The following NOS1 variants were observed in gnomAD, a reference collection of about 807,000 sequenced individuals.
NOS1 encodes NOS type I.
In NOS1, 51 loss-of-function variants were observed where a neutral mutation model predicts 164.5. The observed-to-expected ratio is 0.31, with a 90% CI of 0.25 to 0.39. The LOEUF (loss-of-function observed/expected upper bound fraction) is 0.39, where lower values mean the gene tolerates loss of function less well. Among genes scored for constraint, NOS1 ranks in the 10% least tolerant of loss-of-function variants. The pLI is 1.00. For synonymous variants in NOS1, 719 were observed against 745.8 expected (o/e 0.96, Z 0.59); for missense variants, 1,362 against 1,885.6 (o/e 0.72, Z 5.14).
intron 22 of NOS1, among the ~76,000 whole-genome samples, chr12:117,229,061 A>T (rs1371540190): frequency 2.6e-5 from 4 of 152,212 alleles, no homozygotes; most frequent in Non-Finnish European, 4.4e-5. Flanking sequence ...GATTATAGGC[A>T]TGAGCCACTG....
intron 3 of NOS1, among the ~76,000 whole-genome samples, chr12:117,309,626 T>C (rs964844265): frequency 2.0e-5 from 3 of 152,216 alleles, no homozygotes; most frequent in Admixed American, 1.3e-4. Context: ...TGCCCTGGCC[T>C]GGCCCATCAG....
intron 20 of NOS1, among the ~76,000 whole-genome samples, chr12:117,240,999 G>A (rs1056742197): frequency 3.3e-5 from 5 of 150,952 alleles, no homozygotes; most frequent in Non-Finnish European, 7.4e-5. Flanking sequence ...GAGTACAGTG[G>A]TGCAACCTTG....
intron 1 of NOS1, among the ~76,000 whole-genome samples, chr12:117,337,406 G>T (rs945059888): frequency 6.6e-6 from 1 of 152,058 alleles, no homozygotes; most frequent in African/African-American, 2.4e-5. Context: ...TTGAGCCACC[G>T]TGCCCGGCCG....
In NOS1 at chr12:117,272,563, C is replaced by T; in HGVS notation, c.1665-4G>A. ...CAGGTCCTTGAACCACTCAAACCTG[C>T]AGGGAGCAACAGGGCCCAGCTCACC... On this transcript the variant is annotated splice_region_variant and splice_polypyrimidine_tract_variant and intron_variant, in intron 9 of 28. Coordinates refer to ENST00000317775, the MANE Select transcript of NOS1 (RefSeq NM_000620.5). This position sits in a 1 kb window ranked among gnomAD's most constrained non-coding sequence, Gnocchi z 4.3. The T allele has an allele frequency of 6.2e-7, 1 of 1,611,516 alleles. No homozygotes were observed. The highest frequency in any genetic ancestry group is 8.5e-7 in the Non-Finnish European group (1 of 1,178,786).
intron 1 of NOS1, among the ~76,000 whole-genome samples, chr12:117,350,396 A>T (rs1876561648): frequency 6.6e-6 from 1 of 152,036 alleles, no homozygotes; most frequent in Admixed American, 6.6e-5. Context: ...AATGAGTCAC[A>T]CCTCCTCAAT....
At chr12:117,276,645 G>A (rs117999565) in intron 9 of NOS1, among the ~76,000 whole-genome samples, 1 of 149,106 alleles carries the variant, frequency 6.7e-6, no homozygotes, top group Non-Finnish European at 1.5e-5. Context: ...CCCCTTCCCA[G>A]CCTCTGGTAA....
At position 117,331,293 on chromosome 12, in the gene NOS1, T is replaced by C. The variant is rs1875535384; in HGVS notation, c.-224A>G. The C allele has an allele frequency of 1.8e-6, 1 of 566,362 alleles. No individual in the cohort carries two copies. Among genetic ancestry groups the C allele is most frequent in the Non-Finnish European group, 3.1e-6 (1 of 320,138 alleles). 35.1% of individuals were successfully genotyped at this position (566,362 alleles called of 1,614,324 possible). On this transcript the variant is annotated 5_prime_UTR_variant, in exon 2 of 29. Coordinates refer to ENST00000317775, the MANE Select transcript of NOS1 (RefSeq NM_000620.5). ...TGATTTCCTGCATCCGCCTCTCTCC[T>C]TATTCTCTAAGGAAGTGATGGTTGA...
intron 13 of NOS1, among the ~76,000 whole-genome samples, chr12:117,260,818 T>C (rs1871840878): frequency 1.0e-5 from 1 of 100,176 alleles, no homozygotes. Flanking sequence ...AATCCTTTAT[T>C]TTATTTTATT....
At chr12:117,309,683 C>T (rs1202425005) in intron 3 of NOS1, among the ~76,000 whole-genome samples, 2 of 152,192 alleles carry the variant, frequency 1.3e-5, no homozygotes, top group Non-Finnish European at 2.9e-5. Context: ...CCAGCCAAAC[C>T]TAGCCACTCT....
chr12:117,221,802 C>G (rs144790808), intron 26 of NOS1, among the ~76,000 whole-genome samples: 1 of 147,684 alleles, frequency 6.8e-6, no homozygotes, highest in Non-Finnish European at 1.5e-5. Context: ...TACGCCACCA[C>G]GCCCAGCTAA....
intron 16 of NOS1, among the ~76,000 whole-genome samples, chr12:117,256,284 G>GTTTT (rs57047376): frequency 2.5e-5 from 3 of 118,484 alleles, no homozygotes; most frequent in Admixed American, 1.0e-4. Flanking sequence ...GGGATTTTCT[G>GTTTT]TTTTTTTTTT....
intron 9 of NOS1, among the ~76,000 whole-genome samples, chr12:117,273,243 G>A (rs1231520345): frequency 6.6e-6 from 1 of 152,180 alleles, no homozygotes; most frequent in African/African-American, 2.4e-5. Context: ...AAGCACCGTG[G>A]GGGCAGGGAT....
intron 1 of NOS1, among the ~76,000 whole-genome samples, chr12:117,337,256 C>T (rs1055597724): frequency 2.6e-5 from 4 of 151,958 alleles, no homozygotes; most frequent in Admixed American, 6.6e-5. Context: ...GCTGGGACTA[C>T]AGACATGTGC....
intron 7 of NOS1, 68 bp downstream of exon 7, chr12:117,285,173 A>T: frequency 9.9e-7 from 1 of 1,013,860 alleles, no homozygotes; most frequent in Non-Finnish European, 1.5e-6. Context: ...AGCTGACTCC[A>T]GAGTCAAAGT....
At position 117,212,751 on chromosome 12, in the gene NOS1, G is replaced by C. The variant is rs190966281; in HGVS notation, c.*2558C>G. 6.7e-4 allele frequency: 661 copies of C among 985,406 alleles called. 5 individuals carry two copies. In the African/African-American group the frequency reaches 0.011, roughly 16 times the overall value. The allele number at this position is 985,406 out of a possible 1,614,324, so 61.0% of individuals were successfully genotyped here. A position where few individuals can be genotyped will look rare whatever the true frequency, so the allele number is the denominator to read the frequency against. The stretch of plus-strand genomic sequence containing the variant: ...CTTAAACGGTTGGCTACGAGGCCTG[G>C]ATGAAAAGCCACCACGAGAGGGCAG... On this transcript the variant is annotated 3_prime_UTR_variant, in exon 29 of 29. Transcript: ENST00000317775.
At chr12:117,247,172 T>C (rs973856360) in intron 18 of NOS1, among the ~76,000 whole-genome samples, 176 bp downstream of exon 18, 1 of 152,132 alleles carries the variant, frequency 6.6e-6, no homozygotes, top group Non-Finnish European at 1.5e-5. Flanking sequence ...GTAGAAAATA[T>C]GTGTTTTCAG....
chr12:117,280,101 A>G (rs1258924091), intron 8 of NOS1, among the ~76,000 whole-genome samples: 1 of 152,190 alleles, frequency 6.6e-6, no homozygotes, highest in East Asian at 1.9e-4. Context: ...ATAAGCTACC[A>G]TATCTTACCT....
intron 3 of NOS1, among the ~76,000 whole-genome samples, chr12:117,308,699 C>T (rs1412410686): frequency 2.0e-5 from 3 of 151,594 alleles, no homozygotes; most frequent in Admixed American, 6.6e-5. Flanking sequence ...TGGGTTCAAG[C>T]GATTCTCCTG....
Position 117,208,645 on chromosome 12 carries a change from C to T in NOS1, c.*6664G>A. On this transcript the variant is annotated 3_prime_UTR_variant, in exon 29 of 29. Transcript: ENST00000317775. Reference sequence around the variant, plus strand: ...GACCCAGCTCAAGAGCACTGGATCTCAGTGAGTCTTAATCAGAACCAACAC... The same window carrying T: ...GACCCAGCTCAAGAGCACTGGATCTTAGTGAGTCTTAATCAGAACCAACAC... 1.7e-6 allele frequency: 2 copies of T among 1,155,050 alleles called. No individual in the cohort carries two copies. The highest frequency in any genetic ancestry group is 2.2e-6 in the Non-Finnish European group (2 of 923,632). The allele number at this position is 1,155,050 out of a possible 1,614,324, so 71.6% of individuals were successfully genotyped here.
Sources: allele counts gnomAD v4.1 joint callset (sites outside exome capture counted in the v4.1 genomes callset), GRCh38; gene constraint gnomAD v4.1.1; non-coding constraint Gnocchi (gnomAD v3.1); transcripts MANE v1.5; gene names NCBI Gene and HGNC (gene_info 2026-07-23, HGNC 2026-07-21).